EYS: variants seen among roughly 807,000 people sequenced by gnomAD.
EYS encodes protein eyes shut homolog.
A neutral mutation model predicts 282.1 loss-of-function variants in EYS; 250 were observed. The observed-to-expected ratio is 0.89, with a 90% CI of 0.80 to 0.98. The LOEUF is 0.98. Ranked by LOEUF, EYS falls within the 50% of genes least tolerant of loss-of-function variation. The pLI is 0.00. For synonymous variants in EYS, 1,355 were observed against 1,282.9 expected, an observed-to-expected ratio of 1.06 and a Z score of -1.20; for missense variants, 4,016 against 3,709.0, an observed-to-expected ratio of 1.08 and a Z score of -2.15.
intron 40 of EYS, among the ~76,000 whole-genome samples, chr6:63,763,870 T>TTATA (rs55668347): frequency 0.073 from 9,400 of 129,390 alleles, 398 homozygotes; most frequent in Non-Finnish European, 0.096. Context: ...TTATATCTTG[T>TTATA]TATATATATA....
chr6:64,192,838 T>C (rs1013312990), intron 31 of EYS, among the ~76,000 whole-genome samples: 2 of 152,200 alleles, frequency 1.3e-5, no homozygotes, highest in African/African-American at 4.8e-5. Context: ...CTTTTTCCCA[T>C]GTGGATAACT....
intron 6 of EYS, among the ~76,000 whole-genome samples, chr6:65,404,346 G>A: frequency 6.6e-6 from 1 of 151,994 alleles, no homozygotes; most frequent in Non-Finnish European, 1.5e-5. Flanking sequence ...TCCTCTTGCT[G>A]GGTAACATAA....
chr6:64,847,146 T>C (rs1000041672), intron 19 of EYS, among the ~76,000 whole-genome samples: 1 of 152,106 alleles, frequency 6.6e-6, no homozygotes, highest in African/African-American at 2.4e-5. Context: ...GATTGCAACT[T>C]ATGCCACTGG....
At chr6:64,706,057 C>T (rs1771002331) in intron 22 of EYS, among the ~76,000 whole-genome samples, 1 of 150,612 alleles carries the variant, frequency 6.6e-6, no homozygotes, top group African/African-American at 2.4e-5. Flanking sequence ...ATCACATTAC[C>T]TTACCTCAAA....
intron 1 of EYS, among the ~76,000 whole-genome samples, chr6:65,706,771 G>A (rs1581891331): frequency 6.6e-6 from 1 of 152,080 alleles, no homozygotes; most frequent in African/African-American, 2.4e-5. Flanking sequence ...ATGGCCCTAT[G>A]TATATGCTAG....
chr6:64,384,537 C>T (rs1772849452), intron 29 of EYS, among the ~76,000 whole-genome samples: 1 of 152,030 alleles, frequency 6.6e-6, no homozygotes, highest in African/African-American at 2.4e-5. Context: ...TTATTTATTT[C>T]CATAATTATT....
intron 26 of EYS, among the ~76,000 whole-genome samples, chr6:64,444,231 T>A (rs1344736146): frequency 6.6e-6 from 1 of 152,220 alleles, no homozygotes; most frequent in Non-Finnish European, 1.5e-5. Context: ...GTAAAAAGGC[T>A]GCATTGACAT....
Position 65,653,421 on chromosome 6 carries a change from G to T in EYS, c.-447-13529C>A, listed in dbSNP as rs531938606. Among the ~76,000 whole-genome samples the T allele has an allele frequency of 5.7e-4, 87 of 151,994 alleles. 1 individual carries two copies. In the Middle Eastern group the frequency reaches 0.01, roughly 18 times the overall value. On this transcript the variant is annotated intron_variant, in intron 1 of 42. Transcript: ENST00000503581. ...GATAAAATTGCCACCAAACAAGTTTGCCTAGCACAAGCTTTGATATACACT... is the reference window on the plus strand; with the variant it reads ...GATAAAATTGCCACCAAACAAGTTTTCCTAGCACAAGCTTTGATATACACT...
intron 31 of EYS, among the ~76,000 whole-genome samples, chr6:64,140,506 A>G (rs993346157): frequency 1.3e-5 from 2 of 152,192 alleles, no homozygotes; most frequent in African/African-American, 4.8e-5. Flanking sequence ...ATGGATTTCA[A>G]TGGAGTAATA....
At chr6:64,605,438 C>A (rs1766897079) in intron 24 of EYS, among the ~76,000 whole-genome samples, 1 of 151,914 alleles carries the variant, frequency 6.6e-6, no homozygotes, top group Non-Finnish European at 1.5e-5. Context: ...AGAAATTACT[C>A]TGTGTCAGTC....
intron 36 of EYS, among the ~76,000 whole-genome samples, chr6:63,833,909 G>A (rs1014477758): frequency 8.6e-5 from 13 of 152,016 alleles, no homozygotes; most frequent in Admixed American, 2.0e-4. Context: ...AATACCACAC[G>A]TCCACAACCA....
chr6:64,797,282 C>A (rs551870850), intron 22 of EYS, among the ~76,000 whole-genome samples: 4 of 151,852 alleles, frequency 2.6e-5, no homozygotes, highest in African/African-American at 9.7e-5. Context: ...AAGAATTAAA[C>A]ATTTAAGGCA....
chr6:64,578,697 A>C (rs1755122635), intron 26 of EYS, among the ~76,000 whole-genome samples: 1 of 151,928 alleles, frequency 6.6e-6, no homozygotes, highest in African/African-American at 2.4e-5. Context: ...GAGGGCATAA[A>C]ATTTCTGTCT....
intron 36 of EYS, among the ~76,000 whole-genome samples, chr6:63,863,890 G>T (rs1297807818): frequency 4.6e-5 from 7 of 151,570 alleles, no homozygotes; most frequent in Non-Finnish European, 1.0e-4. Flanking sequence ...TGGTCAGGTG[G>T]GTCTCGAATT....
rs34663169 is a variant in EYS, at chr6:64,249,063, C to CAAAAAAAAAAAAAAAAAAAAAAA, written c.6192-18240_6192-18239insTTTTTTTTTTTTTTTTTTTTTTT. Among the ~76,000 whole-genome samples, 16 of 70,056 alleles carry CAAAAAAAAAAAAAAAAAAAAAAA rather than the reference C, an allele frequency of 2.3e-4. 1 individual carries two copies. Among genetic ancestry groups the CAAAAAAAAAAAAAAAAAAAAAAA allele is most frequent in the African/African-American group, 7.7e-4 (11 of 14,226 alleles). The allele number at this position is 70,056 out of a possible 152,430, so 46.0% of individuals were successfully genotyped here. On this transcript the variant is annotated intron_variant, in intron 30 of 42. Transcript: ENST00000503581. ...TGGGCTACAGAGTGACACCCTGTCT[C>CAAAAAAAAAAAAAAAAAAAAAAA]AAAAAAAAAAAAAAAAAAAAAAGAT...
chr6:64,252,513 C>G (rs1767255436), intron 30 of EYS, among the ~76,000 whole-genome samples: 1 of 152,098 alleles, frequency 6.6e-6, no homozygotes. Flanking sequence ...AACCTGTTCA[C>G]ACAACTCCCC....
chr6:64,511,014 C>T (rs1679024321), intron 26 of EYS, among the ~76,000 whole-genome samples: 1 of 151,832 alleles, frequency 6.6e-6, no homozygotes, highest in Non-Finnish European at 1.5e-5. Context: ...TCCTCCTATG[C>T]CCTTTCCTAA....
chr6:63,958,281 T>G (rs1290299097), intron 35 of EYS, among the ~76,000 whole-genome samples: 1 of 140,548 alleles, frequency 7.1e-6, no homozygotes, highest in Non-Finnish European at 1.6e-5. Flanking sequence ...AGATATATAC[T>G]CTACAAGTGA....
At chr6:64,957,368 A>T (rs1369310621) in intron 14 of EYS, among the ~76,000 whole-genome samples, 1 of 152,120 alleles carries the variant, frequency 6.6e-6, no homozygotes, top group Non-Finnish European at 1.5e-5. Flanking sequence ...TGTGAGACCT[A>T]TAAATCAAAG....
Sources: gnomAD v4.1 joint callset for allele counts (sites outside exome capture counted in the v4.1 genomes callset) on GRCh38, gnomAD v4.1.1 for gene constraint, MANE v1.5 for transcripts, NCBI Gene and HGNC (gene_info 2026-07-23, HGNC 2026-07-21) for gene names.